The following H6PD variants were observed in gnomAD, a reference collection of about 807,000 sequenced individuals.
H6PD encodes hexose-6-phosphate dehydrogenase/glucose 1-dehydrogenase, also known as GDH/6PGL endoplasmic bifunctional protein.
In H6PD, 48 loss-of-function variants were observed where a neutral mutation model predicts 61.2. The observed-to-expected ratio is 0.78, with a 90% CI of 0.62 to 1.00. The LOEUF (loss-of-function observed/expected upper bound fraction) is 1.00, where lower values mean the gene tolerates loss of function less well. H6PD is among the 50% of genes least tolerant of loss of function. H6PD has a pLI of 0.00. For synonymous variants in H6PD, 480 were observed against 457.9 expected (o/e 1.05, Z -0.62); for missense variants, 1,093 against 1,065.0 (o/e 1.03, Z -0.37).
chr1:9,240,044 A>C (rs1640952270), intron 1 of H6PD: 4 of 1,222,158 alleles, frequency 3.3e-6, no homozygotes, highest in Non-Finnish European at 3.1e-6. Flanking sequence ...GATGACTCGT[A>C]GGAGCCTCTC....
At chr1:9,258,119 A>G (rs1641578139) in intron 3 of H6PD, among the ~76,000 whole-genome samples, 1 of 152,096 alleles carries the variant, frequency 6.6e-6, no homozygotes, top group Non-Finnish European at 1.5e-5. Context: ...TATGGGGAGG[A>G]GCGGCGCGGG....
At chr1:9,258,121 CG>C (rs1209058743) in intron 3 of H6PD, among the ~76,000 whole-genome samples, 11 of 152,222 alleles carry the variant, frequency 7.2e-5, no homozygotes, top group Admixed American at 2.0e-4. Context: ...TGGGGAGGAG[CG>C]GCGCGGGCCG....
At chr1:9,260,874 C>A (rs1378741356) in intron 3 of H6PD, among the ~76,000 whole-genome samples, 1 of 152,110 alleles carries the variant, frequency 6.6e-6, no homozygotes, top group East Asian at 1.9e-4. Flanking sequence ...AAACCCTCCA[C>A]CAAACCCCTC....
In H6PD at chr1:9,268,310, TC is replaced by T. The variant is rs1395871656; in HGVS notation, c.*3444del. 5 of 150,884 alleles carry T rather than the reference TC, an allele frequency of 3.3e-5. No homozygotes were observed. The highest frequency in any genetic ancestry group is 7.4e-5 in the Non-Finnish European group (5 of 67,902). The allele number at this position is 150,884 out of a possible 1,614,324, so 9.3% of individuals were successfully genotyped here. ...GGAGCAGCCCCGCTCAGAACCCAAG[TC>T]CCAAGTTCCAGCACTGTGTTCCCAG... On this transcript the variant is annotated 3_prime_UTR_variant, in exon 5 of 5. Transcript: ENST00000377403.
intron 2 of H6PD, 151 bp from the exon 3 acceptor site, chr1:9,246,815 C>T: frequency 1.4e-6 from 1 of 730,416 alleles, no homozygotes; most frequent in Non-Finnish European, 2.5e-6. Context: ...CCTTTACTGG[C>T]CTGTGAGATC....
intron 1 of H6PD, among the ~76,000 whole-genome samples, chr1:9,244,282 C>A (rs1189799016): frequency 6.6e-6 from 1 of 152,142 alleles, no homozygotes; most frequent in African/African-American, 2.4e-5. Context: ...CCGCTATTAC[C>A]CCCATTTCAG....
At chr1:9,239,828 C>T (rs1570076524) in intron 1 of H6PD, 1 of 405,016 alleles carries the variant, frequency 2.5e-6, no homozygotes, top group Non-Finnish European at 4.3e-6. Context: ...ATTAGAACTG[C>T]TTCCTCCTGT....
chr1:9,242,474 G>T, intron 1 of H6PD: 3 of 545,350 alleles, frequency 5.5e-6, no homozygotes, highest in Non-Finnish European at 7.0e-6. Context: ...TTAAAGGAGT[G>T]CTGGCAACAT....
intron 3 of H6PD, among the ~76,000 whole-genome samples, chr1:9,257,792 A>G (rs80265342): frequency 0.11 from 17,003 of 152,254 alleles, 2,581 homozygotes; most frequent in African/African-American, 0.35. Flanking sequence ...TAGGGGTCCT[A>G]CGTGCAGAAG....
chr1:9,245,600 C>T lies in H6PD; in HGVS notation c.627+39C>T, dbSNP rs764642458. ...TGGAGCCTGCCAGGGCTAGGGTGAG[C>T]TGGGCGCTGGTAGACCCCAGCAACA... On this transcript the variant is annotated intron_variant, in intron 2 of 4. Coordinates refer to ENST00000377403, the MANE Select transcript of H6PD (RefSeq NM_004285.4). The surrounding 1 kb of genome is among the most constrained non-coding windows in gnomAD (Gnocchi z 4.8). 26 of 1,604,618 alleles carry T rather than the reference C, an allele frequency of 1.6e-5. No homozygotes were observed. The highest frequency in any genetic ancestry group is 2.2e-5 in the Non-Finnish European group (26 of 1,171,682).
intron 4 of H6PD, 28 bp from the exon 5 acceptor site, chr1:9,263,481 G>A (rs1322150706): frequency 1.9e-6 from 3 of 1,611,664 alleles, no homozygotes; most frequent in Middle Eastern, 1.7e-4. Flanking sequence ...GTGCCAGAGA[G>A]TCACCCTCTG....
At chr1:9,242,024 G>A (rs768492196) in intron 1 of H6PD, among the ~76,000 whole-genome samples, 5 of 152,258 alleles carry the variant, frequency 3.3e-5, no homozygotes, top group East Asian at 1.9e-4. Context: ...GGGGATGGGC[G>A]CATGAAACCA....
chr1:9,257,193 G>A (rs1433859118), intron 3 of H6PD, among the ~76,000 whole-genome samples: 1 of 150,476 alleles, frequency 6.6e-6, no homozygotes, highest in Non-Finnish European at 1.5e-5. Flanking sequence ...CAGATGGGGT[G>A]CAGTGGCAGG....
chr1:9,251,533 T>C (rs979288757), intron 3 of H6PD, among the ~76,000 whole-genome samples: 3 of 151,964 alleles, frequency 2.0e-5, no homozygotes, highest in Non-Finnish European at 2.9e-5. Context: ...TGTCCTGACA[T>C]GGGGGAAAGG....
intron 3 of H6PD, 98 bp from the exon 4 acceptor site, chr1:9,261,961 G>A: frequency 8.2e-7 from 1 of 1,218,908 alleles, no homozygotes; most frequent in Non-Finnish European, 1.2e-6. Flanking sequence ...AGAGGATGCA[G>A]GATGAATGTG....
intron 1 of H6PD, chr1:9,240,165 A>G (rs976365053): frequency 7.3e-6 from 3 of 411,054 alleles, no homozygotes; most frequent in African/African-American, 4.1e-5. Context: ...ACCTCCCTAC[A>G]GGATGCCCCC....
chr1:9,259,046 T>C (rs1641624984), intron 3 of H6PD, among the ~76,000 whole-genome samples: 1 of 152,092 alleles, frequency 6.6e-6, no homozygotes, highest in African/African-American at 2.4e-5. Context: ...GGCTGGAGTG[T>C]AGTGGTGCGA....
At position 9,264,356 on chromosome 1, in the gene H6PD, G is replaced by T. The variant is rs373847789; in HGVS notation, c.1863G>T (p.Glu621Asp). ...ACACGCACCTGTGGCTGGTTGACGA[G>T]CGCTGCGTCCCACTCTCAGACCCGG... ...WAHTHLWLVD[E>D]RCVPLSDPES... Residue 621 changes from glutamate (E) to aspartate (D), a missense_variant, in exon 5 of 5, where the codon GAG becomes GAT. By Grantham distance (45) the Glu-to-Asp change is conservative. Transcript: ENST00000377403. 1.1e-4 allele frequency: 174 copies of T among 1,612,434 alleles called. No individual in the cohort carries two copies. The highest frequency in any genetic ancestry group is 1.4e-4 in the Non-Finnish European group (171 of 1,179,934).
intron 3 of H6PD, among the ~76,000 whole-genome samples, chr1:9,252,929 C>T (rs998468806): frequency 6.6e-6 from 1 of 152,170 alleles, no homozygotes; most frequent in Admixed American, 6.5e-5. Flanking sequence ...GTGCTTTTCT[C>T]TATCCTTTTC....
Sources: allele counts gnomAD v4.1 joint callset (sites outside exome capture counted in the v4.1 genomes callset), GRCh38; gene constraint gnomAD v4.1.1; non-coding constraint Gnocchi (gnomAD v3.1); transcripts MANE v1.5; gene names NCBI Gene and HGNC (gene_info 2026-07-23, HGNC 2026-07-21).